PHF14: variants seen among roughly 807,000 people sequenced by gnomAD.
PHF14 encodes PHD finger protein 14.
In PHF14, 55 loss-of-function variants were observed where a neutral mutation model predicts 117.9. The observed-to-expected ratio is 0.47, with a 90% CI of 0.38 to 0.58. The LOEUF is 0.58. Among genes scored for constraint, PHF14 ranks in the 20% least tolerant of loss-of-function variants. The probability of loss-of-function intolerance (pLI) is 0.00; values close to 1 mark genes in which losing one functional copy is unlikely to be tolerated. For synonymous variants in PHF14, 409 were observed against 368.6 expected, an observed-to-expected ratio of 1.11 and a Z score of -1.26; for missense variants, 978 against 1,122.2, an observed-to-expected ratio of 0.87 and a Z score of 1.84.
At chr7:11,005,043 A>G (rs140997792) in intron 4 of PHF14, among the ~76,000 whole-genome samples, 210 of 152,126 alleles carry the variant, frequency 1.4e-3, no homozygotes, top group Middle Eastern at 0.01. Context: ...ATGTCAATTT[A>G]TTGCATTATT....
chr7:11,025,188 C>G (rs946526278), intron 6 of PHF14, among the ~76,000 whole-genome samples: 1 of 152,138 alleles, frequency 6.6e-6, no homozygotes, highest in South Asian at 2.1e-4. Context: ...GGTGACTGAA[C>G]TGCTGCGATC....
intron 16 of PHF14, among the ~76,000 whole-genome samples, chr7:11,088,414 A>ACATG (rs1786504581): frequency 2.3e-5 from 3 of 127,800 alleles, no homozygotes; most frequent in South Asian, 2.6e-4. Flanking sequence ...ACACACACAC[A>ACATG]CACGCACACA....
chr7:10,984,214 A>G (rs1339851748), intron 3 of PHF14, among the ~76,000 whole-genome samples: 1 of 152,146 alleles, frequency 6.6e-6, no homozygotes, highest in Admixed American at 6.5e-5. Flanking sequence ...GTGATTATCT[A>G]TTTTAATTGC....
intron 16 of PHF14, among the ~76,000 whole-genome samples, chr7:11,076,027 T>C (rs1785837266): frequency 6.6e-6 from 1 of 152,152 alleles, no homozygotes; most frequent in Admixed American, 6.5e-5. Context: ...TAGTTCCAGC[T>C]ACTCGGGAGG....
intron 16 of PHF14, among the ~76,000 whole-genome samples, chr7:11,082,002 C>T (rs113096175): frequency 0.013 from 1,986 of 151,980 alleles, 35 homozygotes; most frequent in African/African-American, 0.045. Context: ...TAATAGTGTA[C>T]GTAGAATTCT....
chr7:11,102,846 A>G (rs1787138100), intron 16 of PHF14: 1 of 1,199,450 alleles, frequency 8.3e-7, no homozygotes, highest in East Asian at 4.3e-5. Flanking sequence ...GAATTGTCGT[A>G]TTAAGTAATG....
At chr7:11,152,169 T>C (rs558114918) in intron 17 of PHF14, among the ~76,000 whole-genome samples, 2 of 152,296 alleles carry the variant, frequency 1.3e-5, no homozygotes, top group African/African-American at 4.8e-5. Context: ...CTGGTCAGTA[T>C]CCATTGAGCA....
In PHF14 at chr7:11,146,500, A is replaced by G. The variant is rs111617841; in HGVS notation, c.2773-22916A>G. ...TCTCTTTTTCACCAGAGTTGGAAAT[A>G]TTTTAAGAAATAAGTGAAAGACTAC... On this transcript the variant is annotated intron_variant, in intron 17 of 17. Transcript: ENST00000634607. Among the ~76,000 whole-genome samples, 951 of 152,276 alleles carry G rather than the reference A, an allele frequency of 6.2e-3. 7 individuals carry two copies. Among genetic ancestry groups the G allele is most frequent in the African/African-American group, 0.022 (910 of 41,550 alleles).
intron 17 of PHF14, among the ~76,000 whole-genome samples, chr7:11,135,037 A>G (rs1788181402): frequency 6.6e-6 from 1 of 152,108 alleles, no homozygotes; most frequent in Admixed American, 6.5e-5. Flanking sequence ...CCTCTCAGCA[A>G]TATCCCTCAT....
intron 13 of PHF14, among the ~76,000 whole-genome samples, chr7:11,044,618 G>T (rs1212826336): frequency 6.6e-6 from 1 of 152,000 alleles, no homozygotes; most frequent in Non-Finnish European, 1.5e-5. Context: ...CTCAAATGTG[G>T]GAGGCAGTTT....
In PHF14 at chr7:11,009,594, C is replaced by T. The variant is rs141445436; in HGVS notation, c.1046-4153C>T. Among the ~76,000 whole-genome samples, 193 of 152,238 alleles carry T rather than the reference C, an allele frequency of 1.3e-3. 1 individual carries two copies. The highest frequency in any genetic ancestry group is 4.4e-3 in the African/African-American group (182 of 41,542). On this transcript the variant is annotated intron_variant, in intron 4 of 17. Coordinates refer to ENST00000634607, the MANE Select transcript of PHF14 (RefSeq NM_001007157.2). ...TATGGAAGAGAGAAAGATTTTAGAA[C>T]GTATTTAGTCACTAATTAAAATGAA...
intron 4 of PHF14, among the ~76,000 whole-genome samples, chr7:10,994,503 A>T (rs568217819): frequency 6.6e-6 from 1 of 152,318 alleles, no homozygotes; most frequent in African/African-American, 2.4e-5. Flanking sequence ...AGAAGTTTGT[A>T]TGGCTAGAAC....
At chr7:11,159,734 C>G (rs969967729) in intron 17 of PHF14, among the ~76,000 whole-genome samples, 15 of 151,916 alleles carry the variant, frequency 9.9e-5, no homozygotes, top group Non-Finnish European at 1.9e-4. Context: ...TGCATGTGAA[C>G]TACAAAGATC....
chr7:11,016,551 C>G (rs973241694), intron 5 of PHF14, among the ~76,000 whole-genome samples: 9 of 151,938 alleles, frequency 5.9e-5, no homozygotes, highest in African/African-American at 1.9e-4. Flanking sequence ...ATAAACCTGA[C>G]TGTGGGAAAT....
At chr7:11,131,698 T>C (rs1344596215) in intron 17 of PHF14, among the ~76,000 whole-genome samples, 1 of 151,882 alleles carries the variant, frequency 6.6e-6, no homozygotes, top group East Asian at 1.9e-4. Context: ...ATCATCAAAT[T>C]TGTGGTCACC....
intron 16 of PHF14, among the ~76,000 whole-genome samples, chr7:11,066,653 C>T (rs2128331330): frequency 6.6e-6 from 1 of 152,212 alleles, no homozygotes; most frequent in East Asian, 1.9e-4. Flanking sequence ...ATGTGGATTC[C>T]CAGTATCATT....
chr7:11,167,522 A>G (rs117462988), intron 17 of PHF14, among the ~76,000 whole-genome samples: 4,130 of 152,306 alleles, frequency 0.027, 78 homozygotes, highest in Non-Finnish European at 0.044. Flanking sequence ...GACTACAACT[A>G]TATACTAAGT....
chr7:11,134,305 A>G (rs1209767604), intron 17 of PHF14, among the ~76,000 whole-genome samples: 2 of 152,030 alleles, frequency 1.3e-5, no homozygotes, highest in African/African-American at 2.4e-5. Flanking sequence ...CTTTAAATAT[A>G]TTAGAATTAT....
chr7:11,080,523 A>G (rs1233501594), intron 16 of PHF14, among the ~76,000 whole-genome samples: 2 of 152,094 alleles, frequency 1.3e-5, no homozygotes, highest in Non-Finnish European at 2.9e-5. Context: ...ATTGCTCTTT[A>G]TGGAACTCTG....
Sources: allele counts gnomAD v4.1 joint callset (sites outside exome capture counted in the v4.1 genomes callset), GRCh38; gene constraint gnomAD v4.1.1; transcripts MANE v1.5; gene names NCBI Gene and HGNC (gene_info 2026-07-23, HGNC 2026-07-21).